RIMBP2: variants seen among roughly 807,000 people sequenced by gnomAD.
The protein encoded by RIMBP2 is RIMS-binding protein 2.
RIMBP2 carries 48 observed loss-of-function variants against 118.6 expected under a neutral mutation model. The observed-to-expected ratio is 0.40, with a 90% CI of 0.32 to 0.51. RIMBP2 has a LOEUF of 0.51. RIMBP2 is among the 20% of genes least tolerant of loss of function. RIMBP2 has a pLI of 0.41. For missense variants in RIMBP2, 1,551 were observed against 1,768.3 expected (o/e 0.88, Z 2.20); for synonymous variants, 762 against 742.9 (o/e 1.03, Z -0.42).
intron 1 of RIMBP2, among the ~76,000 whole-genome samples, chr12:130,694,026 C>T (rs896833698): frequency 2.6e-5 from 4 of 152,250 alleles, no homozygotes; most frequent in African/African-American, 7.2e-5. Context: ...TGCATCCGAA[C>T]TTCCATGCCA....
chr12:130,483,398 AAAAAATT>A (rs1382710916), intron 4 of RIMBP2, among the ~76,000 whole-genome samples: 5 of 152,358 alleles, frequency 3.3e-5, no homozygotes, highest in Non-Finnish European at 7.3e-5. Flanking sequence ...CAAAAATTGT[AAAAAATT>A]AAAAATAAAT....
chr12:130,595,773 C>T (rs746652601), intron 2 of RIMBP2, among the ~76,000 whole-genome samples: 8 of 152,178 alleles, frequency 5.3e-5, no homozygotes, highest in Non-Finnish European at 7.3e-5. Context: ...GCAGGGCAAA[C>T]GCCCTGTGCC....
intron 6 of RIMBP2, among the ~76,000 whole-genome samples, chr12:130,461,044 G>A (rs1035122625): frequency 3.3e-5 from 5 of 152,108 alleles, no homozygotes; most frequent in African/African-American, 7.2e-5. Context: ...CCAGTGGTTC[G>A]CCATCCACAA....
chr12:130,504,596 C>G (rs1160725865), intron 4 of RIMBP2, among the ~76,000 whole-genome samples: 1 of 152,154 alleles, frequency 6.6e-6, no homozygotes, highest in Admixed American at 6.5e-5. Context: ...GAAAGGCACG[C>G]AGTCCTGCCA....
chr12:130,541,627 C>G (rs972746231), intron 2 of RIMBP2, among the ~76,000 whole-genome samples: 1 of 152,182 alleles, frequency 6.6e-6, no homozygotes, highest in African/African-American at 2.4e-5. Context: ...GCCTTTTAGT[C>G]TATGATTTCT....
At chr12:130,684,740 A>T (rs2064963866) in intron 1 of RIMBP2, among the ~76,000 whole-genome samples, 1 of 152,226 alleles carries the variant, frequency 6.6e-6, no homozygotes, top group Admixed American at 6.5e-5. Flanking sequence ...CCTTTATCAC[A>T]AACCCTTACA....
At chr12:130,580,929 GTGTGTGTGTGTGTGTGTGTTTGTT>G (rs1271521595) in intron 2 of RIMBP2, among the ~76,000 whole-genome samples, 8 of 151,008 alleles carry the variant, frequency 5.3e-5, no homozygotes, top group South Asian at 2.1e-4. Flanking sequence ...CAGCAATGGT[GTGTGTGTGTGTGTGTGTGTTTGTT>G]TGTGTGTGTG....
At chr12:130,682,076 T>C (rs372757239) in intron 1 of RIMBP2, among the ~76,000 whole-genome samples, 24 of 152,340 alleles carry the variant, frequency 1.6e-4, no homozygotes, top group African/African-American at 5.5e-4. Flanking sequence ...ACTTCCATAG[T>C]GTGGCATTGC....
At chr12:130,678,769 T>A (rs1370609078) in intron 1 of RIMBP2, among the ~76,000 whole-genome samples, 4 of 152,214 alleles carry the variant, frequency 2.6e-5, no homozygotes, top group African/African-American at 9.6e-5. Context: ...CCAGCCCTCC[T>A]CAGCCTCCCA....
chr12:130,474,989 G>C (rs113928918), intron 5 of RIMBP2, among the ~76,000 whole-genome samples: 1 of 152,108 alleles, frequency 6.6e-6, no homozygotes, highest in East Asian at 1.9e-4. Flanking sequence ...TCTTGCTCCC[G>C]GTCTCCAGGA....
intron 1 of RIMBP2, among the ~76,000 whole-genome samples, chr12:130,631,560 A>T (rs888587467): frequency 7.2e-5 from 11 of 152,082 alleles, no homozygotes; most frequent in African/African-American, 2.7e-4. Flanking sequence ...TGACAAACAG[A>T]AGTGTCTCCC....
Position 130,511,791 on chromosome 12 carries a change from C to T in RIMBP2, c.-126-5021G>A, listed in dbSNP as rs571248317. ...TCTTCCTCCCACCACAGTGGGGATG[C>T]GACCCTTCGAGATGGAATACCACCT... On this transcript the variant is annotated intron_variant, in intron 3 of 22. Transcript: ENST00000690449. The surrounding 1 kb of genome is among the most constrained non-coding windows in gnomAD (Gnocchi z 4.3). 4.6e-5 allele frequency among the ~76,000 whole-genome samples: 7 copies of T among 152,176 alleles called. No homozygotes were observed. The highest frequency in any genetic ancestry group is 3.9e-4 in the East Asian group (2 of 5,118).
intron 14 of RIMBP2, among the ~76,000 whole-genome samples, chr12:130,432,681 C>A (rs1195332229): frequency 6.6e-6 from 1 of 152,190 alleles, no homozygotes; most frequent in Non-Finnish European, 1.5e-5. Flanking sequence ...GAGAAGGCAC[C>A]ATCTGCAGGC....
chr12:130,428,421 C>T (rs1003262644), intron 14 of RIMBP2, 84 bp from the exon 15 acceptor site: 3 of 1,436,682 alleles, frequency 2.1e-6, no homozygotes, highest in East Asian at 2.4e-5. Context: ...CAACCCTTTC[C>T]CTGCTTCGCT....
rs2064426552 is a variant in RIMBP2, at chr12:130,675,664, T to A, written c.-352+40558A>T. On this transcript the variant is annotated intron_variant, in intron 1 of 22. Coordinates refer to ENST00000690449, the MANE Select transcript of RIMBP2 (RefSeq NM_001393629.1). Reference sequence around the variant, plus strand: ...CTGAGAGCCACACCAATCAGATCGGTTTCAGCTTTATACAAAGAAAGAATC... The same window carrying A: ...CTGAGAGCCACACCAATCAGATCGGATTCAGCTTTATACAAAGAAAGAATC... 2.0e-5 allele frequency among the ~76,000 whole-genome samples: 3 copies of A among 152,158 alleles called. No homozygotes were observed. In the South Asian group the frequency reaches 6.2e-4, roughly 32 times the overall value.
At chr12:130,488,278 G>A (rs36075747) in intron 4 of RIMBP2, among the ~76,000 whole-genome samples, 3,674 of 152,100 alleles carry the variant, frequency 0.024, 81 homozygotes, top group African/African-American at 0.053. Flanking sequence ...AACATCTCTC[G>A]GAGATGGGCT....
chr12:130,580,196 T>TA lies in RIMBP2; in HGVS notation c.-217+48125dup, dbSNP rs67458568. Among the ~76,000 whole-genome samples the TA allele has an allele frequency of 7.5e-3, 1,076 of 143,280 alleles. 11 individuals are homozygous for TA. Among genetic ancestry groups the TA allele is most frequent in the African/African-American group, 0.024 (934 of 38,606 alleles). The allele number at this position is 143,280 out of a possible 152,430, so 94.0% of individuals were successfully genotyped here. A position where few individuals can be genotyped will look rare whatever the true frequency, so the allele number is the denominator to read the frequency against. Reference sequence around the variant, plus strand: ...CTGGGTGACAGAGCAAGACTCCATTTAAAAAAAAAAAAAAAAGTAATATTG... The same window carrying TA: ...CTGGGTGACAGAGCAAGACTCCATTTAAAAAAAAAAAAAAAAAGTAATATTG... On this transcript the variant is annotated intron_variant, in intron 2 of 22. Coordinates refer to ENST00000690449, the MANE Select transcript of RIMBP2 (RefSeq NM_001393629.1).
At chr12:130,656,190 A>G (rs1311927569) in intron 1 of RIMBP2, among the ~76,000 whole-genome samples, 3 of 152,144 alleles carry the variant, frequency 2.0e-5, no homozygotes, top group African/African-American at 7.2e-5. Context: ...CTAATGTTCT[A>G]TGGAAGATGG....
At chr12:130,480,624 G>A (rs1201807491) in intron 4 of RIMBP2, among the ~76,000 whole-genome samples, 3 of 151,944 alleles carry the variant, frequency 2.0e-5, no homozygotes, top group Non-Finnish European at 2.9e-5. Flanking sequence ...TTTTTGAGAT[G>A]GAGTCTTGCT....
Sources: gnomAD v4.1 joint callset for allele counts (sites outside exome capture counted in the v4.1 genomes callset) on GRCh38, gnomAD v4.1.1 for gene constraint, Gnocchi (gnomAD v3.1) non-coding constraint, MANE v1.5 for transcripts, NCBI Gene and HGNC (gene_info 2026-07-23, HGNC 2026-07-21) for gene names.